UTS2: variants seen among roughly 807,000 people sequenced by gnomAD.
UTS2 encodes urotensin-2.
UTS2 carries 10 observed loss-of-function variants against 12.6 expected under a neutral mutation model. That is an observed-to-expected ratio of 0.80 (90% CI 0.49 to 1.35). UTS2 has a LOEUF of 1.35. UTS2 is among the 40% of genes most tolerant of loss of function. The probability of loss-of-function intolerance (pLI) is 0.00; values close to 1 mark genes in which losing one functional copy is unlikely to be tolerated. For synonymous variants in UTS2, 52 were observed against 50.0 expected (o/e 1.04, Z -0.17); for missense variants, 142 against 143.2 (o/e 0.99, Z 0.04).
At chr1:7,870,008 T>C in the UTS2 span, among the ~76,000 whole-genome samples, 1 of 152,130 alleles carries the variant, frequency 6.6e-6, no homozygotes, top group Non-Finnish European at 1.5e-5. Flanking sequence ...GTGGGGAGAA[T>C]GGGTGCCGAG....
At chr1:7,859,876 G>A in the UTS2 span, among the ~76,000 whole-genome samples, 20 of 152,286 alleles carry the variant, frequency 1.3e-4, no homozygotes, top group Admixed American at 4.6e-4. Context: ...GCATGCACCT[G>A]TAGTCCCAGC....
chr1:7,869,727 C>T, the UTS2 span, among the ~76,000 whole-genome samples: 1 of 152,198 alleles, frequency 6.6e-6, no homozygotes, highest in Admixed American at 6.5e-5. Flanking sequence ...TGATGGCCAG[C>T]GGAGAGGAAG....
chr1:7,906,449 G>GAGAGAGAGAGAAAGAAAGAAAGAAAGAA, the UTS2 span, among the ~76,000 whole-genome samples: 1 of 73,226 alleles, frequency 1.4e-5, no homozygotes, highest in African/African-American at 5.3e-5. Flanking sequence ...GAAAGAAAAA[G>GAGAGAGAGAGAAAGAAAGAAAGAAAGAA]AGAAAGAAAG....
the UTS2 span, among the ~76,000 whole-genome samples, chr1:7,902,221 C>G: frequency 6.6e-6 from 1 of 152,044 alleles, no homozygotes; most frequent in African/African-American, 2.4e-5. Flanking sequence ...TTATACAGAC[C>G]TGACTCCTTC....
chr1:7,854,337 CTG>C (rs1160511708), upstream of UTS2, among the ~76,000 whole-genome samples: 1 of 116,224 alleles, frequency 8.6e-6, no homozygotes, highest in Non-Finnish European at 1.9e-5. Context: ...GAGCGAGACT[CTG>C]TCTAAAAAAA....
chr1:7,865,003 C>T, the UTS2 span, among the ~76,000 whole-genome samples: 2 of 67,224 alleles, frequency 3.0e-5, 1 homozygote, highest in Non-Finnish European at 7.3e-5. Context: ...CCATCATCCC[C>T]CTGTGTCCTC....
At chr1:7,874,046 C>G in the UTS2 span, among the ~76,000 whole-genome samples, 11 of 152,112 alleles carry the variant, frequency 7.2e-5, no homozygotes, top group African/African-American at 2.6e-4. Context: ...TCAAGTAGAG[C>G]AGCTTAGAAA....
At chr1:7,904,032 G>T in the UTS2 span, among the ~76,000 whole-genome samples, 1 of 152,026 alleles carries the variant, frequency 6.6e-6, no homozygotes, top group African/African-American at 2.4e-5. Flanking sequence ...GAATTTTAGG[G>T]TTTTGTGATT....
At chr1:7,885,648 C>T in the UTS2 span, among the ~76,000 whole-genome samples, 1 of 151,734 alleles carries the variant, frequency 6.6e-6, no homozygotes, top group African/African-American at 2.4e-5. Context: ...CAAGGTGAAG[C>T]AGGTGAGGCG....
the UTS2 span, among the ~76,000 whole-genome samples, chr1:7,886,576 G>C: frequency 6.6e-6 from 1 of 152,156 alleles, no homozygotes; most frequent in South Asian, 2.1e-4. Context: ...TCACAAAGGA[G>C]CCATTAGCAG....
the UTS2 span, among the ~76,000 whole-genome samples, chr1:7,886,987 G>C: frequency 2.4e-5 from 3 of 124,358 alleles, no homozygotes; most frequent in African/African-American, 3.2e-5. Flanking sequence ...GTTGCAGTGA[G>C]CCAAGATCAC....
chr1:7,862,221 T>A, the UTS2 span, among the ~76,000 whole-genome samples: 7 of 150,812 alleles, frequency 4.6e-5, no homozygotes, highest in South Asian at 1.3e-3. Flanking sequence ...CACCGCGCCC[T>A]GCCTAAAAGA....
At chr1:7,895,969 G>C in the UTS2 span, among the ~76,000 whole-genome samples, 3 of 152,098 alleles carry the variant, frequency 2.0e-5, no homozygotes, top group African/African-American at 7.2e-5. Flanking sequence ...GATGCAACAT[G>C]CACCTTTATA....
At chr1:7,869,391 C>A in the UTS2 span, among the ~76,000 whole-genome samples, 1 of 152,198 alleles carries the variant, frequency 6.6e-6, no homozygotes, top group Non-Finnish European at 1.5e-5. Flanking sequence ...GAGGTTGGAC[C>A]ACATGGCTCT....
rs188959804 is a variant in UTS2 at position 7,850,966 on chromosome 1, G to A, written c.104-44C>T. Reference sequence around the variant, plus strand: ...TACTTAGAATTGGGTTCATCCTTCAGTTAGTTATTTCTGTTCCTTGTGTCT... The same window carrying A: ...TACTTAGAATTGGGTTCATCCTTCAATTAGTTATTTCTGTTCCTTGTGTCT... On this transcript the variant is annotated intron_variant, in intron 1 of 3. Transcript: ENST00000361696. 1.0e-5 allele frequency: 16 copies of A among 1,589,566 alleles called. No individual in the cohort carries two copies. In the Admixed American group the frequency reaches 1.8e-4, roughly 18 times the overall value.
the UTS2 span, among the ~76,000 whole-genome samples, chr1:7,909,439 G>T: frequency 2.0e-4 from 30 of 151,378 alleles, no homozygotes; most frequent in Non-Finnish European, 3.7e-4. Flanking sequence ...AGCTACTCAG[G>T]AGGCTGAGAG....
the UTS2 span, among the ~76,000 whole-genome samples, chr1:7,904,942 G>T: frequency 6.7e-6 from 1 of 149,032 alleles, no homozygotes; most frequent in African/African-American, 2.5e-5. Context: ...ATAGAAAGGG[G>T]ACTTAAAGGA....
the UTS2 span, among the ~76,000 whole-genome samples, chr1:7,904,582 G>A: frequency 2.6e-5 from 4 of 151,992 alleles, no homozygotes; most frequent in Non-Finnish European, 4.4e-5. Flanking sequence ...AAATAGTTAC[G>A]TGTTATGCAA....
chr1:7,863,011 TTG>T, the UTS2 span, among the ~76,000 whole-genome samples: 11 of 21,176 alleles, frequency 5.2e-4, no homozygotes, highest in African/African-American at 1.1e-3. Flanking sequence ...TTGTATTGTA[TTG>T]TATTGTATTG....
Sources: allele counts gnomAD v4.1 joint callset (sites outside exome capture counted in the v4.1 genomes callset), GRCh38; gene constraint gnomAD v4.1.1; transcripts MANE v1.5; gene names NCBI Gene and HGNC (gene_info 2026-07-23, HGNC 2026-07-21).